ARHGEF37: variants seen among roughly 807,000 people sequenced by gnomAD.
The protein encoded by ARHGEF37 is Rho guanine nucleotide exchange factor (GEF) 37.
ARHGEF37 carries 55 observed loss-of-function variants against 71.1 expected under a neutral mutation model. The ratio of observed to expected loss-of-function variants is 0.77; its 90% CI spans 0.62 to 0.97. ARHGEF37 has a LOEUF of 0.97. ARHGEF37 is among the 50% of genes least tolerant of loss of function. The pLI is 0.00. For missense variants in ARHGEF37, 765 were observed against 836.8 expected, an observed-to-expected ratio of 0.91 and a Z score of 1.06; for synonymous variants, 327 against 350.6, an observed-to-expected ratio of 0.93 and a Z score of 0.75.
chr5:149,597,846 G>A lies in ARHGEF37; in HGVS notation c.77G>A (p.Arg26Lys), dbSNP rs1763592357. 1.9e-6 allele frequency: 3 copies of A among 1,610,362 alleles called. No individual in the cohort carries two copies. Among genetic ancestry groups the A allele is most frequent in the Non-Finnish European group, 1.7e-6 (2 of 1,178,464 alleles). The change falls in exon 2 of 13, where the codon AGA (arginine) becomes AAA (lysine). Residue 26 changes from arginine to lysine, a missense_variant. Physicochemically the swap from Arg to Lys is conservative, Grantham distance 26. Coordinates refer to ENST00000333677, the MANE Select transcript of ARHGEF37 (RefSeq NM_001001669.3). ...PDREGRASED[R>K]SLLHQRLAVR... is the part of the protein sequence containing the mutation. ...AGGGAAGGTAGGGCCTCTGAGGACA[G>A]ATCGCTGCTTCATCAGAGGCTGGCT...
intron 1 of ARHGEF37, among the ~76,000 whole-genome samples, chr5:149,585,707 C>CG (rs1275842208): frequency 1.3e-5 from 2 of 152,036 alleles, no homozygotes. Flanking sequence ...TTAGTAGAGA[C>CG]AGGATTTCAT....
chr5:149,625,761 C>CCACA (rs140715807), intron 10 of ARHGEF37, among the ~76,000 whole-genome samples: 23,383 of 149,862 alleles, frequency 0.16, 1,825 homozygotes, highest in East Asian at 0.3. Flanking sequence ...TCCCACCTCT[C>CCACA]CACACACACA....
At chr5:149,617,840 C>T (rs1752420992) in intron 5 of ARHGEF37, among the ~76,000 whole-genome samples, 1 of 152,176 alleles carries the variant, frequency 6.6e-6, no homozygotes, top group Non-Finnish European at 1.5e-5. Flanking sequence ...CAAATCTCTC[C>T]TCCATGGGTT....
chr5:149,553,966 G>A (rs1047518820), intron 1 of ARHGEF37, among the ~76,000 whole-genome samples: 2 of 151,660 alleles, frequency 1.3e-5, no homozygotes, highest in Non-Finnish European at 2.9e-5. Context: ...TCAGGAGTTC[G>A]AGACCATCCT....
rs748480032 is a variant in ARHGEF37, at chr5:149,601,145, T to C, written c.224T>C (p.Ile75Thr). 1.8e-5 allele frequency: 29 copies of C among 1,613,230 alleles called. 1 individual carries two copies. In the South Asian group the frequency reaches 3.0e-4, roughly 17 times the overall value. ...GATCTGGATGTCCTGTTCTCAAACA[T>C]TGATGATATCATCAAAGTGAACAGC... Reference protein sequence around the residue: ...QGDLDVLFSNIDDIIKVNSRF... With the variant: ...QGDLDVLFSNTDDIIKVNSRF... Residue 75 changes from isoleucine to threonine, a missense_variant, in exon 3 of 13, where the codon ATT becomes ACT. Physicochemically the swap from Ile to Thr is moderately conservative, Grantham distance 89 (BLOSUM62 -1). This residue lies in a region of ARHGEF37 where 201 missense variants were observed against 217.5 expected (regional missense o/e 0.92). Coordinates refer to ENST00000333677, the MANE Select transcript of ARHGEF37 (RefSeq NM_001001669.3).
chr5:149,606,357 G>A (rs991508514), intron 3 of ARHGEF37, among the ~76,000 whole-genome samples: 9 of 152,144 alleles, frequency 5.9e-5, no homozygotes, highest in Non-Finnish European at 7.4e-5. Context: ...AACCAACACC[G>A]GGAAAGGGTA....
At chr5:149,595,069 G>C (rs1377023028) in intron 1 of ARHGEF37, among the ~76,000 whole-genome samples, 1 of 152,236 alleles carries the variant, frequency 6.6e-6, no homozygotes, top group Non-Finnish European at 1.5e-5. Flanking sequence ...ATTAGGATAG[G>C]ATGGGGACTG....
chr5:149,565,936 G>A (rs778030483), intron 1 of ARHGEF37, among the ~76,000 whole-genome samples: 9 of 137,508 alleles, frequency 6.5e-5, no homozygotes, highest in Non-Finnish European at 1.1e-4. Context: ...TGCAACCTCC[G>A]CCTCCCAGGT....
intron 2 of ARHGEF37, among the ~76,000 whole-genome samples, chr5:149,598,761 T>TATATATATATATATATATATATATAG (rs1554122094): frequency 1.3e-5 from 1 of 75,796 alleles, no homozygotes; most frequent in Admixed American, 1.6e-4. Flanking sequence ...TATATATAGA[T>TATATATATATATATATATATATATAG]ATAGATATAG....
At chr5:149,564,452 C>T (rs576828693) in intron 1 of ARHGEF37, among the ~76,000 whole-genome samples, 6 of 152,216 alleles carry the variant, frequency 3.9e-5, no homozygotes, top group South Asian at 2.1e-4. Flanking sequence ...TCATTTCTCC[C>T]GTTTATGCAT....
At chr5:149,616,511 C>A in intron 4 of ARHGEF37, 56 bp from the exon 5 acceptor site, 2 of 1,523,232 alleles carry the variant, frequency 1.3e-6, no homozygotes, top group Non-Finnish European at 1.8e-6. Context: ...CAGCCCAGGC[C>A]CCCTGGTCCT....
chr5:149,571,234 G>A (rs529973129), intron 1 of ARHGEF37, among the ~76,000 whole-genome samples: 34 of 152,076 alleles, frequency 2.2e-4, no homozygotes, highest in Non-Finnish European at 4.3e-4. Context: ...GAGCCACCGC[G>A]TCCGGCCAAG....
In ARHGEF37 at chr5:149,632,457, A is replaced by G. The variant is rs1005053890; in HGVS notation, c.*266A>G. The G allele has an allele frequency of 5.7e-5, 27 of 476,936 alleles. No individual in the cohort carries two copies. The highest frequency in any genetic ancestry group is 4.9e-4 in the Admixed American group (15 of 30,408). 29.5% of individuals were successfully genotyped at this position (476,936 alleles called of 1,614,324 possible). On this transcript the variant is annotated 3_prime_UTR_variant, in exon 13 of 13. Coordinates refer to ENST00000333677, the MANE Select transcript of ARHGEF37 (RefSeq NM_001001669.3). Reference sequence around the variant, plus strand: ...ACCTGGGGTCACAATGCACTTGGACAGCAGGTCACAGCTGATTGGCCAGGA... The same window carrying G: ...ACCTGGGGTCACAATGCACTTGGACGGCAGGTCACAGCTGATTGGCCAGGA...
intron 1 of ARHGEF37, among the ~76,000 whole-genome samples, chr5:149,591,557 G>T (rs1370153823): frequency 6.6e-6 from 1 of 152,120 alleles, no homozygotes; most frequent in Non-Finnish European, 1.5e-5. Context: ...CTTCTCCCAG[G>T]CTTTTAAGCT....
intron 4 of ARHGEF37, among the ~76,000 whole-genome samples, chr5:149,610,019 A>T (rs910596741): frequency 2.0e-5 from 3 of 152,230 alleles, no homozygotes; most frequent in African/African-American, 7.2e-5. Flanking sequence ...GCTTAAGTAA[A>T]AAGAGCTCTG....
upstream of ARHGEF37, among the ~76,000 whole-genome samples, chr5:149,580,085 G>T (rs1374914679): frequency 6.6e-6 from 1 of 151,736 alleles, no homozygotes; most frequent in Non-Finnish European, 1.5e-5. Flanking sequence ...TTTTCGAGAC[G>T]GAGTCTCGCT....
chr5:149,609,889 A>G (rs1334395404), intron 4 of ARHGEF37, among the ~76,000 whole-genome samples, 194 bp downstream of exon 4: 2 of 152,132 alleles, frequency 1.3e-5, no homozygotes, highest in Admixed American at 6.5e-5. Context: ...TTCAAACAAC[A>G]AAGGTTTATG....
intron 4 of ARHGEF37, among the ~76,000 whole-genome samples, chr5:149,614,546 C>T (rs138449633): frequency 4.6e-5 from 7 of 152,284 alleles, no homozygotes; most frequent in Admixed American, 4.6e-4. Context: ...TTCCAGGACC[C>T]CTTGCTCTCT....
intron 4 of ARHGEF37, among the ~76,000 whole-genome samples, chr5:149,615,749 G>T (rs1338124315): frequency 6.6e-6 from 1 of 151,956 alleles, no homozygotes; most frequent in African/African-American, 2.4e-5. Context: ...AAAATCAGCT[G>T]GGCGTGGTGG....
Sources: allele counts gnomAD v4.1 joint callset (sites outside exome capture counted in the v4.1 genomes callset), GRCh38; gene constraint gnomAD v4.1.1; regional missense constraint gnomAD v4.1.1; transcripts MANE v1.5; gene names NCBI Gene and HGNC (gene_info 2026-07-23, HGNC 2026-07-21).